SYT1: variants seen among roughly 807,000 people sequenced by gnomAD.
SYT1 encodes the protein synaptotagmin-1.
In SYT1, 8 loss-of-function variants were observed where a neutral mutation model predicts 44.8. That is an observed-to-expected ratio of 0.18 (90% CI 0.10 to 0.32). The LOEUF (loss-of-function observed/expected upper bound fraction) is 0.32, where lower values mean the gene tolerates loss of function less well. Ranked by LOEUF, SYT1 falls within the 10% of genes least tolerant of loss-of-function variation. SYT1 has a pLI of 1.00. For missense variants in SYT1, 286 were observed against 509.3 expected (o/e 0.56, Z 4.22); for synonymous variants, 154 against 188.8 (o/e 0.82, Z 1.51).
chr12:78,923,332 C>A (rs1203932274), intron 1 of SYT1, among the ~76,000 whole-genome samples: 1 of 151,918 alleles, frequency 6.6e-6, no homozygotes, highest in African/African-American at 2.4e-5. Context: ...TATATCAAAG[C>A]TCTTCAGTGT....
intron 9 of SYT1, among the ~76,000 whole-genome samples, chr12:79,354,046 C>A (rs1169112481): frequency 2.0e-5 from 3 of 152,120 alleles, no homozygotes; most frequent in African/African-American, 7.2e-5. Context: ...TCCTACGATA[C>A]CATTTATTAA....
intron 1 of SYT1, among the ~76,000 whole-genome samples, chr12:78,947,970 T>C (rs4627138): frequency 0.15 from 23,067 of 151,826 alleles, 2,054 homozygotes; most frequent in East Asian, 0.3. Context: ...CAGCTATAGA[T>C]TTCAAGTTCA....
intron 4 of SYT1, among the ~76,000 whole-genome samples, chr12:79,275,638 A>G (rs963631943): frequency 3.3e-5 from 5 of 152,090 alleles, no homozygotes; most frequent in Admixed American, 6.5e-5. Flanking sequence ...AAAGATTTCA[A>G]TGTATTTCGC....
At chr12:79,395,002 CTT>C (rs1364923415) in intron 9 of SYT1, among the ~76,000 whole-genome samples, 1 of 152,058 alleles carries the variant, frequency 6.6e-6, no homozygotes, top group African/African-American at 2.4e-5. Flanking sequence ...ATTTTATTAT[CTT>C]ATATTATTTT....
intron 9 of SYT1, among the ~76,000 whole-genome samples, chr12:79,387,187 T>C (rs756636412): frequency 1.4e-4 from 22 of 152,218 alleles, no homozygotes; most frequent in Admixed American, 2.6e-4. Context: ...CTTCAAATAC[T>C]ATATCTAACT....
chr12:78,883,608 G>C (rs920054520), intron 1 of SYT1, among the ~76,000 whole-genome samples: 4 of 151,678 alleles, frequency 2.6e-5, no homozygotes, highest in African/African-American at 9.7e-5. Context: ...ACAATTAAGA[G>C]TGAAGAGATG....
chr12:78,902,335 AG>A (rs1307723156), intron 1 of SYT1, among the ~76,000 whole-genome samples: 2 of 152,110 alleles, frequency 1.3e-5, no homozygotes, highest in African/African-American at 4.8e-5. Context: ...TAAATTGTAA[AG>A]AATCCAATTG....
chr12:79,178,767 A>G (rs1050067448), intron 3 of SYT1, among the ~76,000 whole-genome samples: 2 of 150,082 alleles, frequency 1.3e-5, no homozygotes, highest in Non-Finnish European at 3.0e-5. Context: ...TAATTTGTTT[A>G]TTTATTTATA....
chr12:79,367,975 A>C (rs1330465123), intron 9 of SYT1, among the ~76,000 whole-genome samples: 3 of 151,902 alleles, frequency 2.0e-5, no homozygotes. Context: ...ACATATGTAT[A>C]CATGTGCCAT....
chr12:78,888,779 A>C (rs973085280), intron 1 of SYT1, among the ~76,000 whole-genome samples: 1 of 151,854 alleles, frequency 6.6e-6, no homozygotes, highest in Non-Finnish European at 1.5e-5. Context: ...TGCGATTTGC[A>C]TTCAAGCAAA....
chr12:79,291,475 A>G (rs552349976), intron 5 of SYT1, among the ~76,000 whole-genome samples: 3 of 152,184 alleles, frequency 2.0e-5, no homozygotes, highest in Non-Finnish European at 4.4e-5. Context: ...TCATACCATG[A>G]TAAATGTATA....
At chr12:79,004,549 G>T (rs1236977368) in intron 2 of SYT1, among the ~76,000 whole-genome samples, 2 of 151,846 alleles carry the variant, frequency 1.3e-5, no homozygotes, top group East Asian at 3.8e-4. Context: ...TGTTTTGTTG[G>T]CTTAGGGCTA....
intron 2 of SYT1, among the ~76,000 whole-genome samples, chr12:79,030,108 C>T (rs780204352): frequency 1.3e-5 from 2 of 150,994 alleles, no homozygotes; most frequent in Admixed American, 1.3e-4. Context: ...CTAAATTTTG[C>T]CTTACAATAT....
At chr12:79,433,800 C>T (rs548799172) in intron 9 of SYT1, among the ~76,000 whole-genome samples, 13 of 152,244 alleles carry the variant, frequency 8.5e-5, no homozygotes, top group African/African-American at 3.1e-4. Flanking sequence ...AAGAATTTCA[C>T]CATAAAATCT....
intron 4 of SYT1, among the ~76,000 whole-genome samples, chr12:79,236,130 A>G (rs570465939): frequency 6.6e-6 from 1 of 152,150 alleles, no homozygotes. Flanking sequence ...GTCTCTTAGG[A>G]GGTGTTCCCA....
chr12:79,072,609 C>A (rs1401531123), intron 3 of SYT1, among the ~76,000 whole-genome samples: 3 of 152,028 alleles, frequency 2.0e-5, no homozygotes, highest in Non-Finnish European at 4.4e-5. Flanking sequence ...TTGAATGTTA[C>A]AAACTTACTG....
At chr12:78,969,468 G>T (rs1415470780) in intron 1 of SYT1, among the ~76,000 whole-genome samples, 4 of 152,208 alleles carry the variant, frequency 2.6e-5, no homozygotes, top group Non-Finnish European at 5.9e-5. Context: ...ACATATCTTG[G>T]TTGGGCTTCA....
rs551724123 is a variant in SYT1 at position 79,157,189 on chromosome 12, C to A, written c.-17-60314C>A. Among the ~76,000 whole-genome samples the A allele has an allele frequency of 5.3e-5, 8 of 152,296 alleles. No individual in the cohort carries two copies. In the East Asian group the frequency reaches 1.5e-3, roughly 29 times the overall value. On this transcript the variant is annotated intron_variant, in intron 3 of 10. Transcript: ENST00000261205. ...TTTCCACTGTCAGGCAAGCTTGTCA[C>A]GCAAGACAAAGTGAACTGCTTGCCG...
intron 9 of SYT1, among the ~76,000 whole-genome samples, chr12:79,436,852 G>A (rs1352303885): frequency 6.6e-6 from 1 of 152,118 alleles, no homozygotes; most frequent in African/African-American, 2.4e-5. Flanking sequence ...ATTTTTTTAA[G>A]TTATTAGATT....
Sources: allele counts gnomAD v4.1 joint callset (sites outside exome capture counted in the v4.1 genomes callset), GRCh38; gene constraint gnomAD v4.1.1; transcripts MANE v1.5; gene names NCBI Gene and HGNC (gene_info 2026-07-23, HGNC 2026-07-21).